Variants in XRCC5 observed in about 807,000 individuals in gnomAD.
XRCC5 encodes X-ray repair cross complementing 5, also known as DNA repair protein Ku80.
In XRCC5, 12 loss-of-function variants were observed where a neutral mutation model predicts 95.7. The ratio of observed to expected loss-of-function variants is 0.13; its 90% CI spans 0.08 to 0.20. The LOEUF is 0.20. Ranked by LOEUF, XRCC5 falls within the 10% of genes least tolerant of loss-of-function variation. XRCC5 has a pLI of 1.00. For missense variants in XRCC5, 595 were observed against 873.9 expected (o/e 0.68, Z 4.02); for synonymous variants, 281 against 290.3 (o/e 0.97, Z 0.33).
intron 19 of XRCC5, among the ~76,000 whole-genome samples, chr2:216,203,387 G>A (rs1689879003): frequency 6.6e-6 from 1 of 152,178 alleles, no homozygotes. Context: ...TCTCGTGTTA[G>A]GATAGATAGG....
rs985411736 is a variant in XRCC5 at position 216,139,655 on chromosome 2, C to T, written c.1342+1476C>T. Among the ~76,000 whole-genome samples, 4 of 151,936 alleles carry T rather than the reference C, an allele frequency of 2.6e-5. No homozygotes were observed. The East Asian group carries it at 5.8e-4, about 22-fold the overall frequency. On this transcript the variant is annotated intron_variant, in intron 12 of 20. Transcript: ENST00000392132. ...CTAAGTAGTTGGGACTACAGGTACG[C>T]GCCACCGTGGCTGGCTCATTTTTAA...
chr2:216,186,299 A>G (rs748805287), intron 16 of XRCC5, among the ~76,000 whole-genome samples: 6 of 152,178 alleles, frequency 3.9e-5, no homozygotes, highest in Non-Finnish European at 8.8e-5. Flanking sequence ...CTGTGCAATG[A>G]GAGGGGAGGT....
chr2:216,117,578 G>A (rs540354342), intron 3 of XRCC5, 168 bp from the exon 4 acceptor site: 4 of 581,000 alleles, frequency 6.9e-6, no homozygotes, highest in East Asian at 2.8e-5. Flanking sequence ...TATATAGAAT[G>A]TATGAATATA....
At position 216,206,155 on chromosome 2, in the gene XRCC5, C is replaced by T. The variant is rs921957391; in HGVS notation, c.*953C>T. On this transcript the variant is annotated 3_prime_UTR_variant, in exon 21 of 21. Coordinates refer to ENST00000392132, the MANE Select transcript of XRCC5 (RefSeq NM_021141.4). ...CTTTTTTTCTTGTCCTCATTCTTGCCTTGAGTTCCAGTTCCTCTTTGGTGT... is the reference window on the plus strand; with the variant it reads ...CTTTTTTTCTTGTCCTCATTCTTGCTTTGAGTTCCAGTTCCTCTTTGGTGT... 6.6e-6 allele frequency: 1 copy of T among 152,098 alleles called. No homozygotes were observed. The highest frequency in any genetic ancestry group is 2.4e-5 in the African/African-American group (1 of 41,392). The allele number at this position is 152,098 out of a possible 1,614,324, so 9.4% of individuals were successfully genotyped here. A position where few individuals can be genotyped will look rare whatever the true frequency, so the allele number is the denominator to read the frequency against.
chr2:216,162,737 A>G (rs968880706), intron 16 of XRCC5, among the ~76,000 whole-genome samples: 1 of 152,146 alleles, frequency 6.6e-6, no homozygotes, highest in African/African-American at 2.4e-5. Context: ...TCCAGTCCTA[A>G]GAGTTTGTGG....
intron 13 of XRCC5, among the ~76,000 whole-genome samples, chr2:216,146,452 A>G (rs1688635820): frequency 1.3e-5 from 2 of 152,196 alleles, no homozygotes; most frequent in South Asian, 4.1e-4. Context: ...TAGGAGCAGT[A>G]TTTTGAAATT....
At chr2:216,130,578 AT>A (rs1020004845) in intron 8 of XRCC5, 3 of 230,928 alleles carry the variant, frequency 1.3e-5, no homozygotes, top group African/African-American at 6.8e-5. Context: ...GTACGTTAAC[AT>A]TTGCCAGATT....
intron 14 of XRCC5, chr2:216,156,348 C>A: frequency 1.4e-6 from 1 of 693,436 alleles, no homozygotes; most frequent in South Asian, 1.4e-5. Flanking sequence ...CTGAAACAGT[C>A]TCTTCTGCTG....
At chr2:216,114,864 G>A (rs773116470) in intron 2 of XRCC5, among the ~76,000 whole-genome samples, 2 of 152,170 alleles carry the variant, frequency 1.3e-5, no homozygotes, top group Non-Finnish European at 2.9e-5. Flanking sequence ...CTGAGCATGC[G>A]CATGACTAGT....
intron 2 of XRCC5, among the ~76,000 whole-genome samples, chr2:216,116,436 TCTG>T (rs1350502380): frequency 6.6e-6 from 1 of 152,170 alleles, no homozygotes; most frequent in Non-Finnish European, 1.5e-5. Context: ...CACCTCAACT[TCTG>T]CTGAAATGAA....
rs1257354790 is a variant in XRCC5, at chr2:216,156,759, G to A, written c.1671-3309G>A. On this transcript the variant is annotated intron_variant, in intron 14 of 20. Coordinates refer to ENST00000392132, the MANE Select transcript of XRCC5 (RefSeq NM_021141.4). ...ATGAGGATTTTGCCGCTGCTCCATT[G>A]GAACAAAGTCTATGTCCATGAGAGT... 95 of 532,018 alleles carry A rather than the reference G, an allele frequency of 1.8e-4. 2 individuals are homozygous for A. The highest frequency in any genetic ancestry group is 1.1e-4 in the South Asian group (8 of 72,198). 33.0% of individuals were successfully genotyped at this position (532,018 alleles called of 1,614,324 possible).
At chr2:216,179,792 A>G (rs961825042) in intron 16 of XRCC5, among the ~76,000 whole-genome samples, 1 of 152,196 alleles carries the variant, frequency 6.6e-6, no homozygotes, top group Non-Finnish European at 1.5e-5. Flanking sequence ...TCTCTGAGTG[A>G]AATGTGAAAC....
chr2:216,198,517 T>G (rs1689773349), intron 19 of XRCC5, among the ~76,000 whole-genome samples: 1 of 151,700 alleles, frequency 6.6e-6, no homozygotes. Flanking sequence ...AACTTGATCC[T>G]TTGTATGAAA....
rs1192196553 is a variant in XRCC5, at chr2:216,194,950, C to T, written c.2073C>T (p.Ala691=). 1.2e-6 allele frequency: 2 copies of T among 1,614,152 alleles called. No individual in the cohort carries two copies. Among genetic ancestry groups the T allele is most frequent in the South Asian group, 1.1e-5 (1 of 91,080 alleles). The change falls in exon 19 of 21, where the codon GCC becomes GCT. Residue 691 remains alanine (A), a synonymous_variant. Transcript: ENST00000392132. Reference sequence around the variant, plus strand: ...TTACTCTGATCACCAAAGAGGAAGCCTCTGGAAGTTCTGTCACAGCTGAGG... The same window carrying T: ...TTACTCTGATCACCAAAGAGGAAGCTTCTGGAAGTTCTGTCACAGCTGAGG... ...DGITLITKEE[A]SGSSVTAEEA... is the part of the protein sequence containing the mutation.
At chr2:216,162,682 G>A (rs187223635) in intron 16 of XRCC5, among the ~76,000 whole-genome samples, 82 of 152,188 alleles carry the variant, frequency 5.4e-4, no homozygotes, top group Non-Finnish European at 8.5e-4. Flanking sequence ...GTGAGCCATC[G>A]TGCCCGGCCA....
intron 17 of XRCC5, among the ~76,000 whole-genome samples, chr2:216,191,925 A>G (rs1689621161): frequency 6.6e-6 from 1 of 152,210 alleles, no homozygotes; most frequent in Admixed American, 6.5e-5. Context: ...CTTCAATATA[A>G]TTGGAGGGTT....
chr2:216,112,979 T>G (rs771918326), intron 1 of XRCC5, 37 bp from the exon 2 acceptor site: 10 of 1,523,908 alleles, frequency 6.6e-6, no homozygotes, highest in Middle Eastern at 1.7e-4. Flanking sequence ...TTCTTACGAC[T>G]TATTTTCTCA....
chr2:216,192,434 T>C (rs185855897), intron 17 of XRCC5, among the ~76,000 whole-genome samples: 1 of 152,344 alleles, frequency 6.6e-6, no homozygotes, highest in African/African-American at 2.4e-5. Flanking sequence ...TGGGAAGCTC[T>C]GTGCCTTCCA....
At chr2:216,140,060 C>G (rs1697148523) in intron 12 of XRCC5, among the ~76,000 whole-genome samples, 1 of 152,190 alleles carries the variant, frequency 6.6e-6, no homozygotes, top group African/African-American at 2.4e-5. Context: ...ACTGAATGTT[C>G]ACATGTACAA....
Sources: gnomAD v4.1 joint callset for allele counts (sites outside exome capture counted in the v4.1 genomes callset) on GRCh38, gnomAD v4.1.1 for gene constraint, MANE v1.5 for transcripts, NCBI Gene and HGNC (gene_info 2026-07-23, HGNC 2026-07-21) for gene names.